Variants in UBTD1 observed in about 807,000 individuals in gnomAD.
The protein encoded by UBTD1 is ubiquitin domain-containing protein 1.
A neutral mutation model predicts 21.7 loss-of-function variants in UBTD1; 19 were observed. That is an observed-to-expected ratio of 0.87 (90% CI 0.61 to 1.28). UBTD1 has a LOEUF of 1.28. Among genes scored for constraint, UBTD1 ranks in the 50% most tolerant of loss-of-function variants. UBTD1 has a pLI of 0.00. For missense variants in UBTD1, 282 were observed against 315.1 expected (o/e 0.89, Z 0.80); for synonymous variants, 116 against 135.1 (o/e 0.86, Z 0.98).
intron 1 of UBTD1, among the ~76,000 whole-genome samples, chr10:97,499,628 C>T (rs140752128): frequency 0.011 from 1,685 of 152,212 alleles, 11 homozygotes; most frequent in Non-Finnish European, 0.015. Context: ...GACGCCGGCC[C>T]GTCGGGGCAC....
At chr10:97,525,843 A>G (rs954774700) in intron 1 of UBTD1, among the ~76,000 whole-genome samples, 12 of 152,228 alleles carry the variant, frequency 7.9e-5, no homozygotes, top group African/African-American at 2.7e-4. Flanking sequence ...TGTTGAATGA[A>G]TAAATGAATT....
At chr10:97,561,196 C>G (rs1381922679) in intron 1 of UBTD1, among the ~76,000 whole-genome samples, 1 of 152,076 alleles carries the variant, frequency 6.6e-6, no homozygotes, top group Non-Finnish European at 1.5e-5. Flanking sequence ...CGGGAGCGCT[C>G]TTTGGATTGC....
At chr10:97,533,729 GC>G (rs2040544854) in intron 1 of UBTD1, among the ~76,000 whole-genome samples, 1 of 152,034 alleles carries the variant, frequency 6.6e-6, no homozygotes, top group Admixed American at 6.6e-5. Flanking sequence ...TTTGAGACCA[GC>G]CTGGCCAACA....
intron 1 of UBTD1, among the ~76,000 whole-genome samples, chr10:97,519,309 T>A (rs2040457288): frequency 6.6e-6 from 1 of 152,202 alleles, no homozygotes; most frequent in South Asian, 2.1e-4. Flanking sequence ...CATTTTATAG[T>A]CTTCCGTAAA....
intron 1 of UBTD1, among the ~76,000 whole-genome samples, chr10:97,507,034 T>C (rs564370673): frequency 6.6e-6 from 1 of 152,348 alleles, no homozygotes; most frequent in Non-Finnish European, 1.5e-5. Flanking sequence ...ATTTTGTGTA[T>C]ATACCCAGAG....
chr10:97,562,274 A>G (rs1301726594), intron 1 of UBTD1, among the ~76,000 whole-genome samples: 2 of 152,198 alleles, frequency 1.3e-5, no homozygotes, highest in South Asian at 2.1e-4. Flanking sequence ...GTGGTGTTAC[A>G]CATCTGTAAT....
intron 1 of UBTD1, among the ~76,000 whole-genome samples, chr10:97,500,942 C>A (rs112863332): frequency 6.6e-6 from 1 of 152,182 alleles, no homozygotes; most frequent in East Asian, 1.9e-4. Flanking sequence ...GGCTCTGCAT[C>A]GCTCCCTGTC....
rs889230053 is a variant in UBTD1 at position 97,552,541 on chromosome 10, G to A, written c.71-15373G>A. 4.0e-5 allele frequency among the ~76,000 whole-genome samples: 6 copies of A among 151,706 alleles called. No individual in the cohort carries two copies. In the East Asian group the frequency reaches 5.8e-4, roughly 15 times the overall value. ...CTCCCAAGTAGTTGGGACTGCAGGCGCGCACCACCAAGCCTGGCTAATTTT... is the reference window on the plus strand; with the variant it reads ...CTCCCAAGTAGTTGGGACTGCAGGCACGCACCACCAAGCCTGGCTAATTTT... On this transcript the variant is annotated intron_variant, in intron 1 of 2. Coordinates refer to ENST00000370664, the MANE Select transcript of UBTD1 (RefSeq NM_024954.5).
chr10:97,554,802 C>A (rs1053853407), intron 1 of UBTD1, among the ~76,000 whole-genome samples: 1 of 152,180 alleles, frequency 6.6e-6, no homozygotes, highest in Admixed American at 6.5e-5. Context: ...GATCCTTCCA[C>A]CTCAGCTTCC....
chr10:97,508,795 C>T (rs549506313), intron 1 of UBTD1, among the ~76,000 whole-genome samples: 19 of 152,168 alleles, frequency 1.2e-4, no homozygotes, highest in South Asian at 4.2e-4. Context: ...AATAAATATG[C>T]GTTGAATGTT....
intron 1 of UBTD1, among the ~76,000 whole-genome samples, chr10:97,546,139 G>A (rs973501757): frequency 6.6e-6 from 1 of 152,198 alleles, no homozygotes; most frequent in African/African-American, 2.4e-5. Context: ...GCTTCTTTGT[G>A]GCATGGTGAA....
intron 1 of UBTD1, among the ~76,000 whole-genome samples, chr10:97,567,211 G>C (rs60730732): frequency 0.099 from 14,945 of 151,678 alleles, 2,028 homozygotes; most frequent in African/African-American, 0.31. Context: ...GCTGGAACTA[G>C]AGGAGCGTGC....
chr10:97,560,371 G>A (rs1042173223), intron 1 of UBTD1, among the ~76,000 whole-genome samples: 6 of 151,968 alleles, frequency 3.9e-5, no homozygotes, highest in African/African-American at 1.5e-4. Flanking sequence ...TGTAAGTTTG[G>A]GATTTCAATC....
chr10:97,559,163 C>T (rs1159377581), intron 1 of UBTD1, among the ~76,000 whole-genome samples: 5 of 152,202 alleles, frequency 3.3e-5, no homozygotes, highest in African/African-American at 7.2e-5. Context: ...GGATGGCCCT[C>T]GGGGGCTGAC....
intron 2 of UBTD1, among the ~76,000 whole-genome samples, chr10:97,569,115 G>A (rs760348239): frequency 3.9e-5 from 6 of 152,338 alleles, no homozygotes; most frequent in East Asian, 3.9e-4. Context: ...GAGCCACTGC[G>A]CCTGGCCACA....
At chr10:97,502,179 T>C (rs1049646638) in intron 1 of UBTD1, among the ~76,000 whole-genome samples, 1 of 152,162 alleles carries the variant, frequency 6.6e-6, no homozygotes, top group African/African-American at 2.4e-5. Flanking sequence ...GCATTTTTCA[T>C]ATATCTGCAT....
intron 1 of UBTD1, 134 bp from the exon 2 acceptor site, chr10:97,567,780 T>C (rs1213854464): frequency 2.5e-6 from 2 of 804,216 alleles, no homozygotes; most frequent in Non-Finnish European, 2.0e-6. Context: ...AGGAAGGGCT[T>C]CAAAGACCTG....
At chr10:97,567,424 G>T (rs995792870) in intron 1 of UBTD1, among the ~76,000 whole-genome samples, 1 of 149,504 alleles carries the variant, frequency 6.7e-6, no homozygotes, top group African/African-American at 2.4e-5. Flanking sequence ...ACTTCGGGAG[G>T]CTGAGGCGGG....
chr10:97,537,593 G>A (rs1363696765), intron 1 of UBTD1, among the ~76,000 whole-genome samples: 2 of 152,176 alleles, frequency 1.3e-5, no homozygotes, highest in African/African-American at 4.8e-5. Flanking sequence ...GTCACTGTAT[G>A]TGGAGAGGGT....
Sources: gnomAD v4.1 joint callset for allele counts (sites outside exome capture counted in the v4.1 genomes callset) on GRCh38, gnomAD v4.1.1 for gene constraint, MANE v1.5 for transcripts, NCBI Gene and HGNC (gene_info 2026-07-23, HGNC 2026-07-21) for gene names.